The following XRN2 variants were observed in gnomAD, a reference collection of about 807,000 sequenced individuals.
XRN2 encodes 5'-3' exoribonuclease 2.
Under a neutral mutation model 138.5 loss-of-function variants are expected in XRN2, and 44 were observed. The observed-to-expected ratio is 0.32, with a 90% CI of 0.25 to 0.41. The LOEUF is 0.41. Ranked by LOEUF, XRN2 falls within the 10% of genes least tolerant of loss-of-function variation. XRN2 has a pLI of 1.00. For missense variants in XRN2, 937 were observed against 1,169.3 expected (o/e 0.80, Z 2.90); for synonymous variants, 354 against 369.4 (o/e 0.96, Z 0.48).
chr20:21,340,675 T>G lies in XRN2; in HGVS notation c.1279-46T>G. ...TTCTTTCCTTTCTGTCATCTAACTG[T>G]GTTGTGATTTAATTTTAATTTCTAC... On this transcript the variant is annotated intron_variant, in intron 14 of 29. Coordinates refer to ENST00000377191, the MANE Select transcript of XRN2 (RefSeq NM_012255.5). 6.3e-6 allele frequency: 10 copies of G among 1,596,924 alleles called. No homozygotes were observed. In the South Asian group the frequency reaches 1.1e-4, roughly 18 times the overall value.
In XRN2 at chr20:21,308,133, C is replaced by T. The variant is rs6132413; in HGVS notation, c.75+4660C>T. 4.3e-4 allele frequency among the ~76,000 whole-genome samples: 8 copies of T among 18,418 alleles called. 2 individuals are homozygous for T. The highest frequency in any genetic ancestry group is 8.5e-4 in the Non-Finnish European group (5 of 5,876). 12.1% of individuals were successfully genotyped at this position (18,418 alleles called of 152,430 possible). ...TGTATTTTTAGTAGAGATGGAGTTT[C>T]ACCATGTTGGCCAGGCTGGTCTTGA... On this transcript the variant is annotated intron_variant, in intron 1 of 29. Transcript: ENST00000377191.
chr20:21,331,399 T>TCACACACACACA (rs71806398), intron 6 of XRN2, among the ~76,000 whole-genome samples, 162 bp from the exon 7 acceptor site: 9 of 144,048 alleles, frequency 6.2e-5, no homozygotes, highest in African/African-American at 1.5e-4. Flanking sequence ...TTGGTGTTTT[T>TCACACACACACA]CACACACACA....
intron 1 of XRN2, among the ~76,000 whole-genome samples, chr20:21,310,078 T>A (rs911306076): frequency 1.3e-5 from 2 of 152,242 alleles, no homozygotes; most frequent in Non-Finnish European, 2.9e-5. Context: ...CTGATATAGA[T>A]CTTGAGTGCC....
At chr20:21,376,564 A>G (rs1012791748) in intron 27 of XRN2, among the ~76,000 whole-genome samples, 2 of 152,164 alleles carry the variant, frequency 1.3e-5, no homozygotes, top group East Asian at 3.9e-4. Context: ...TTAACCAGAT[A>G]CCTCTCCATT....
chr20:21,310,705 A>G (rs1568564597), intron 1 of XRN2, among the ~76,000 whole-genome samples: 1 of 151,974 alleles, frequency 6.6e-6, no homozygotes, highest in Non-Finnish European at 1.5e-5. Context: ...TTTTGTAGGT[A>G]ACATAACAAT....
At chr20:21,367,032 T>C (rs550766557) in intron 26 of XRN2, among the ~76,000 whole-genome samples, 11 of 152,208 alleles carry the variant, frequency 7.2e-5, no homozygotes, top group Non-Finnish European at 1.6e-4. Flanking sequence ...AATATATTGG[T>C]GTAGAAGCCT....
At chr20:21,311,513 C>G (rs992682827) in intron 1 of XRN2, among the ~76,000 whole-genome samples, 13 of 152,164 alleles carry the variant, frequency 8.5e-5, no homozygotes, top group African/African-American at 3.1e-4. Flanking sequence ...TTATGAATAA[C>G]ACTGCTATGC....
At chr20:21,347,519 GT>G (rs2038451321) in intron 17 of XRN2, among the ~76,000 whole-genome samples, 1 of 152,190 alleles carries the variant, frequency 6.6e-6, no homozygotes, top group Non-Finnish European at 1.5e-5. Context: ...TAAGTACTCT[GT>G]TTGCGTTTTA....
chr20:21,310,903 C>G (rs955758421), intron 1 of XRN2, among the ~76,000 whole-genome samples: 1 of 151,928 alleles, frequency 6.6e-6, no homozygotes, highest in East Asian at 1.9e-4. Context: ...CGCCACCACG[C>G]CCGGCAAATT....
intron 20 of XRN2, among the ~76,000 whole-genome samples, chr20:21,351,208 G>T (rs914145513): frequency 6.6e-6 from 1 of 152,048 alleles, no homozygotes; most frequent in African/African-American, 2.4e-5. Flanking sequence ...AACTCTAGGG[G>T]AAAAGTGAGA....
rs2038406436 is a variant in XRN2, at chr20:21,344,124, C to T, written c.1445C>T (p.Ser482Phe). ...PSISPNTSFT[S>F]DGSPSPLGGI... ...ATATCTCCTAATACGAGTTTCACATCTGATGGCTCCCCGTCTCCATTAGGA... is the reference window on the plus strand; with the variant it reads ...ATATCTCCTAATACGAGTTTCACATTTGATGGCTCCCCGTCTCCATTAGGA... Residue 482 changes from serine (S) to phenylalanine (F), a missense_variant, in exon 16 of 30, where the codon TCT (serine) becomes TTT (phenylalanine). Physicochemically the swap from Ser to Phe is radical, Grantham distance 155. Coordinates refer to ENST00000377191, the MANE Select transcript of XRN2 (RefSeq NM_012255.5). 1 of 1,613,090 alleles carries T rather than the reference C, an allele frequency of 6.2e-7. No individual in the cohort carries two copies. The highest frequency in any genetic ancestry group is 1.3e-5 in the African/African-American group (1 of 74,890).
chr20:21,346,512 G>A lies in XRN2; in HGVS notation c.1627G>A (p.Val543Ile), dbSNP rs752128476. 8 of 1,614,062 alleles carry A rather than the reference G, an allele frequency of 5.0e-6. No individual in the cohort carries two copies. The highest frequency in any genetic ancestry group is 6.8e-6 in the Non-Finnish European group (8 of 1,180,004). Residue 543 changes from valine (V) to isoleucine (I), a missense_variant, in exon 17 of 30, where the codon GTT becomes ATT. By Grantham distance (29) the Val-to-Ile change is conservative. Around this residue, in one of 6 missense-constraint regions of XRN2, gnomAD observed 471 missense variants for 581.2 expected, o/e 0.81. Coordinates refer to ENST00000377191, the MANE Select transcript of XRN2 (RefSeq NM_012255.5). ...CCGTCGGAAAGTTGTGCAGTCGTAC[G>A]TTGAAGGACTTTGCTGGGTTCTTAG... ...KFRRKVVQSY[V>I]EGLCWVLRYY...
intron 27 of XRN2, among the ~76,000 whole-genome samples, chr20:21,374,390 CCAAT>C (rs2038795785): frequency 6.6e-6 from 1 of 151,930 alleles, no homozygotes; most frequent in South Asian, 2.1e-4. Flanking sequence ...TATTTCATTC[CCAAT>C]CAGTTTTAAG....
chr20:21,305,152 T>G (rs2037798352), intron 1 of XRN2, among the ~76,000 whole-genome samples: 1 of 152,248 alleles, frequency 6.6e-6, no homozygotes, highest in Non-Finnish European at 1.5e-5. Context: ...CACACCTGGC[T>G]ATTCTGTAGG....
intron 13 of XRN2, 80 bp downstream of exon 13, chr20:21,334,265 CTT>C (rs1204263349): frequency 6.0e-6 from 7 of 1,164,456 alleles, no homozygotes; most frequent in Non-Finnish European, 8.7e-6. Context: ...CTTTTAATCT[CTT>C]TGAGTGTGTT....
At chr20:21,344,927 C>T (rs759042986) in intron 16 of XRN2, among the ~76,000 whole-genome samples, 2 of 152,128 alleles carry the variant, frequency 1.3e-5, no homozygotes, top group East Asian at 1.9e-4. Flanking sequence ...TTTAGGAAAA[C>T]GATCTATTTC....
chr20:21,357,510 C>T (rs1356632455), intron 23 of XRN2, among the ~76,000 whole-genome samples: 1 of 151,976 alleles, frequency 6.6e-6, no homozygotes, highest in Non-Finnish European at 1.5e-5. Context: ...AGTTGCAGTT[C>T]TTTGAGTACT....
chr20:21,350,381 C>T (rs2038491593), intron 20 of XRN2, among the ~76,000 whole-genome samples: 1 of 151,804 alleles, frequency 6.6e-6, no homozygotes, highest in Non-Finnish European at 1.5e-5. Flanking sequence ...AAAAAATTAG[C>T]CTGGTGTGGT....
At chr20:21,340,583 C>G in intron 14 of XRN2, 138 bp from the exon 15 acceptor site, 1 of 850,030 alleles carries the variant, frequency 1.2e-6, no homozygotes, top group Non-Finnish European at 1.8e-6. Context: ...GTAATATTAA[C>G]GAAGATCATT....
Sources: allele counts gnomAD v4.1 joint callset (sites outside exome capture counted in the v4.1 genomes callset), GRCh38; gene constraint gnomAD v4.1.1; regional missense constraint gnomAD v4.1.1; transcripts MANE v1.5; gene names NCBI Gene and HGNC (gene_info 2026-07-23, HGNC 2026-07-21).